The following NEBL variants were observed in gnomAD, a reference collection of about 807,000 sequenced individuals.
NEBL encodes nebulette.
In NEBL, 122 loss-of-function variants were observed where a neutral mutation model predicts 140.2. That is an observed-to-expected ratio of 0.87 (90% CI 0.75 to 1.01). The LOEUF (loss-of-function observed/expected upper bound fraction) is 1.01, where lower values mean the gene tolerates loss of function less well. Among genes scored for constraint, NEBL ranks in the 50% least tolerant of loss-of-function variants. The probability of loss-of-function intolerance (pLI) is 0.00; values close to 1 mark genes in which losing one functional copy is unlikely to be tolerated. For missense variants in NEBL, 1,365 were observed against 1,231.3 expected (o/e 1.11, Z -1.62); for synonymous variants, 436 against 398.9 (o/e 1.09, Z -1.11).
At chr10:21,290,227 A>G (rs951797332) in intron 1 of NEBL, among the ~76,000 whole-genome samples, 1 of 152,228 alleles carries the variant, frequency 6.6e-6, no homozygotes, top group African/African-American at 2.4e-5. Context: ...TATCCACTGC[A>G]TGAGTTGTAG....
intron 2 of NEBL, among the ~76,000 whole-genome samples, chr10:21,146,083 G>C (rs1447062883): frequency 6.6e-6 from 1 of 152,060 alleles, no homozygotes; most frequent in Non-Finnish European, 1.5e-5. Flanking sequence ...CCATGAATAG[G>C]GAAAAATTCA....
chr10:20,856,653 A>G (rs1237452112), intron 9 of NEBL, among the ~76,000 whole-genome samples: 2 of 152,162 alleles, frequency 1.3e-5, no homozygotes, highest in African/African-American at 4.8e-5. Context: ...TGTGGGAATG[A>G]AGACTGAAGT....
At chr10:20,952,513 A>T (rs1410446313) in intron 4 of NEBL, among the ~76,000 whole-genome samples, 2 of 151,642 alleles carry the variant, frequency 1.3e-5, no homozygotes, top group African/African-American at 4.8e-5. Flanking sequence ...AGTTAAGAAT[A>T]TTCAGCTTGA....
rs561112833 is a variant in NEBL, at chr10:20,979,133, T to A, written c.250-17354A>T. Among the ~76,000 whole-genome samples, 21 of 152,254 alleles carry A rather than the reference T, an allele frequency of 1.4e-4. No individual in the cohort carries two copies. The South Asian group carries it at 4.4e-3, about 32-fold the overall frequency. The stretch of plus-strand genomic sequence containing the variant: ...AAATCTTTTATTAAAATAATACACG[T>A]AGGACTGGGCACGGTGGCTCACGCC... On this transcript the variant is annotated intron_variant, in intron 3 of 6. Transcript: ENST00000417816.
At chr10:20,826,961 A>C (rs1408301923) in intron 17 of NEBL, among the ~76,000 whole-genome samples, 1 of 152,204 alleles carries the variant, frequency 6.6e-6, no homozygotes, top group Admixed American at 6.5e-5. Flanking sequence ...CTCCAAACAC[A>C]AGGATGCCCA....
At chr10:21,234,700 G>A (rs989756205) in intron 3 of NEBL, among the ~76,000 whole-genome samples, 1 of 152,132 alleles carries the variant, frequency 6.6e-6, no homozygotes, top group African/African-American at 2.4e-5. Context: ...AGCCGACTGG[G>A]ATCAGAAATC....
intron 16 of NEBL, among the ~76,000 whole-genome samples, chr10:20,829,909 C>T (rs1405956783): frequency 6.6e-6 from 1 of 152,160 alleles, no homozygotes; most frequent in African/African-American, 2.4e-5. Context: ...AATGGGTGCT[C>T]AGGAGGTATT....
intron 2 of NEBL, among the ~76,000 whole-genome samples, chr10:21,090,334 A>G (rs1836850187): frequency 6.6e-6 from 1 of 152,248 alleles, no homozygotes; most frequent in Admixed American, 6.5e-5. Context: ...GCCAATCAAA[A>G]TATTTGAACA....
chr10:20,928,439 T>G (rs1270806150), intron 4 of NEBL, among the ~76,000 whole-genome samples: 2 of 152,214 alleles, frequency 1.3e-5, no homozygotes, highest in Admixed American at 1.3e-4. Flanking sequence ...CTCAGACATA[T>G]ATACAGCATA....
chr10:21,199,671 G>A (rs1280986693), intron 3 of NEBL, among the ~76,000 whole-genome samples: 1 of 152,140 alleles, frequency 6.6e-6, no homozygotes, highest in Admixed American at 6.5e-5. Flanking sequence ...AATCCTTCAG[G>A]ATAAGCCACA....
chr10:21,172,573 T>G (rs1368537479), intron 1 of NEBL: 5 of 826,296 alleles, frequency 6.1e-6, no homozygotes, highest in Non-Finnish European at 1.0e-5. Flanking sequence ...TCACAGTCCC[T>G]GTAGCTGAAA....
chr10:20,990,262 C>G (rs1837408173), intron 3 of NEBL, among the ~76,000 whole-genome samples: 1 of 152,140 alleles, frequency 6.6e-6, no homozygotes, highest in Non-Finnish European at 1.5e-5. Flanking sequence ...GCTTAAAACC[C>G]CTGCTTTGAA....
intron 3 of NEBL, among the ~76,000 whole-genome samples, chr10:21,241,113 A>G (rs1842433073): frequency 6.6e-6 from 1 of 152,150 alleles, no homozygotes; most frequent in Admixed American, 6.6e-5. Context: ...AATATGTTTC[A>G]CTACCCTTTC....
chr10:21,183,490 C>T (rs762970640), intron 3 of NEBL, among the ~76,000 whole-genome samples: 12 of 152,136 alleles, frequency 7.9e-5, no homozygotes, highest in Non-Finnish European at 1.3e-4. Context: ...TTCAGGGAGG[C>T]TGCAGGGTTT....
intron 4 of NEBL, among the ~76,000 whole-genome samples, chr10:20,953,513 T>A (rs1479921390): frequency 6.7e-6 from 1 of 148,556 alleles, no homozygotes; most frequent in African/African-American, 2.5e-5. Context: ...CTAATTTTTT[T>A]TTTTTTTTTT....
intron 2 of NEBL, among the ~76,000 whole-genome samples, chr10:21,133,547 T>C (rs1839212381): frequency 6.6e-6 from 1 of 152,180 alleles, no homozygotes; most frequent in Non-Finnish European, 1.5e-5. Flanking sequence ...CTCCCCATCT[T>C]AAACTAAGAA....
intron 4 of NEBL, among the ~76,000 whole-genome samples, chr10:20,949,138 C>T (rs1308215725): frequency 6.6e-6 from 1 of 152,110 alleles, no homozygotes; most frequent in African/African-American, 2.4e-5. Context: ...CCCTTTATTT[C>T]TTTGTCTTGC....
At position 21,273,136 on chromosome 10, in the gene NEBL, TG is replaced by T. The variant is rs1414478322; in HGVS notation, n.182+19693del. Among the ~76,000 whole-genome samples the T allele has an allele frequency of 2.6e-5, 4 of 152,260 alleles. No individual in the cohort carries two copies. In the South Asian group the frequency reaches 8.3e-4, roughly 32 times the overall value. On this transcript the variant is annotated intron_variant and non_coding_transcript_variant, in intron 1 of 8. Transcript: ENST00000675702. Reference sequence around the variant, plus strand: ...GGACAGCCACAGGGTTGGGAGCTTGTGGGCCCTCGGAGGAGGTTAATAGAAG... The same window carrying T: ...GGACAGCCACAGGGTTGGGAGCTTGTGGCCCTCGGAGGAGGTTAATAGAAG...
At chr10:21,063,259 G>A (rs1422080380) in intron 2 of NEBL, among the ~76,000 whole-genome samples, 2 of 152,066 alleles carry the variant, frequency 1.3e-5, no homozygotes, top group Non-Finnish European at 2.9e-5. Flanking sequence ...AGAGGCCCAC[G>A]TGCTCACTTG....
Sources: allele counts gnomAD v4.1 joint callset (sites outside exome capture counted in the v4.1 genomes callset), GRCh38; gene constraint gnomAD v4.1.1; transcripts MANE v1.5; gene names NCBI Gene and HGNC (gene_info 2026-07-23, HGNC 2026-07-21).